Variants in CSMD1 observed in about 807,000 individuals in gnomAD.
CSMD1 encodes the protein CUB and Sushi multiple domains 1, also known as CUB and sushi domain-containing protein 1.
CSMD1 carries 213 observed loss-of-function variants against 417.5 expected under a neutral mutation model. The ratio of observed to expected loss-of-function variants is 0.51; its 90% CI spans 0.46 to 0.57. CSMD1 has a LOEUF of 0.57. CSMD1 is among the 20% of genes least tolerant of loss of function. The pLI, the probability that CSMD1 is intolerant of heterozygous loss-of-function variation, is 0.00. For missense variants in CSMD1, 6,923 were observed against 4,529.7 expected (o/e 1.53, Z -15.17); for synonymous variants, 2,862 against 1,736.8 (o/e 1.65, Z -16.11).
At chr8:4,132,856 G>T (rs541396805) in intron 3 of CSMD1, among the ~76,000 whole-genome samples, 2 of 152,048 alleles carry the variant, frequency 1.3e-5, no homozygotes, top group Non-Finnish European at 2.9e-5. Flanking sequence ...AAGACAACTA[G>T]GATATATGAA....
chr8:3,329,475 C>T (rs957968874), intron 23 of CSMD1, among the ~76,000 whole-genome samples: 2 of 152,122 alleles, frequency 1.3e-5, no homozygotes, highest in Non-Finnish European at 2.9e-5. Flanking sequence ...GGGGAAACTG[C>T]GGCAGCCACA....
chr8:4,369,592 CTA>C lies in CSMD1; in HGVS notation c.415+50359_415+50360del, dbSNP rs1802284908. Among the ~76,000 whole-genome samples, 6 of 152,172 alleles carry C rather than the reference CTA, an allele frequency of 3.9e-5. No homozygotes were observed. The South Asian group carries it at 8.3e-4, about 21-fold the overall frequency. ...GTTGTCTAAGTCTGTCTGTAGATCT[CTA>C]TGAACTTGTTTTATGACTATGAGTG... On this transcript the variant is annotated intron_variant, in intron 3 of 69. Transcript: ENST00000635120.
intron 26 of CSMD1, among the ~76,000 whole-genome samples, chr8:3,270,650 G>C (rs1413759822): frequency 6.6e-6 from 1 of 152,128 alleles, no homozygotes; most frequent in Non-Finnish European, 1.5e-5. Context: ...ATCAAAGCAA[G>C]TCTACAGTAT....
chr8:3,459,372 G>A (rs1455327188), intron 12 of CSMD1, among the ~76,000 whole-genome samples: 4 of 152,108 alleles, frequency 2.6e-5, no homozygotes, highest in Non-Finnish European at 4.4e-5. Context: ...GACGGGAATC[G>A]CACGGTGGAT....
At chr8:3,277,157 G>C (rs1355314825) in intron 26 of CSMD1, among the ~76,000 whole-genome samples, 1 of 152,122 alleles carries the variant, frequency 6.6e-6, no homozygotes, top group East Asian at 1.9e-4. Flanking sequence ...TGCCAGAGTG[G>C]AGGATGGTGA....
chr8:3,746,407 T>C (rs1165877210), intron 6 of CSMD1, among the ~76,000 whole-genome samples: 1 of 152,254 alleles, frequency 6.6e-6, no homozygotes, highest in Non-Finnish European at 1.5e-5. Context: ...TTATCCAATG[T>C]CAACCACATT....
At chr8:3,912,166 T>G (rs929450023) in intron 5 of CSMD1, among the ~76,000 whole-genome samples, 1 of 152,222 alleles carries the variant, frequency 6.6e-6, no homozygotes, top group Non-Finnish European at 1.5e-5. Context: ...AACTTCACAT[T>G]TCTCATGAAT....
rs562615678 is a variant in CSMD1, at chr8:3,126,485, C to A, written c.6242-7898G>T. ...AGGTGTACACTGAAGACTTTGAAGC[C>A]CCGCTTGAGTCCTCAGCTTCCCTAT... On this transcript the variant is annotated intron_variant, in intron 41 of 69. Coordinates refer to ENST00000635120, the MANE Select transcript of CSMD1 (RefSeq NM_033225.6). Among the ~76,000 whole-genome samples, 48 of 152,134 alleles carry A rather than the reference C, an allele frequency of 3.2e-4. No homozygotes were observed. In the East Asian group the frequency reaches 8.3e-3, roughly 26 times the overall value.
intron 5 of CSMD1, among the ~76,000 whole-genome samples, chr8:3,958,967 T>C (rs951280226): frequency 5.3e-5 from 8 of 152,220 alleles, no homozygotes; most frequent in African/African-American, 1.9e-4. Flanking sequence ...TTAGGATCTG[T>C]GAGCTCCCGG....
At chr8:4,646,762 A>G (rs1803542520) in intron 1 of CSMD1, among the ~76,000 whole-genome samples, 1 of 152,200 alleles carries the variant, frequency 6.6e-6, no homozygotes, top group African/African-American at 2.4e-5. Context: ...AAACCCCTAG[A>G]TCTATGATTA....
chr8:4,624,860 AT>A (rs1802005019), intron 2 of CSMD1, among the ~76,000 whole-genome samples: 1 of 152,072 alleles, frequency 6.6e-6, no homozygotes, highest in African/African-American at 2.4e-5. Context: ...TTCAAATTAC[AT>A]TCGTTTCCAT....
intron 23 of CSMD1, among the ~76,000 whole-genome samples, chr8:3,319,422 CAG>C (rs559758759): frequency 7.5e-4 from 114 of 152,150 alleles, no homozygotes; most frequent in African/African-American, 2.1e-3. Flanking sequence ...TAATTGAAAA[CAG>C]AGTTTGATAG....
chr8:3,883,668 T>C (rs1806362839), intron 5 of CSMD1, among the ~76,000 whole-genome samples: 1 of 152,180 alleles, frequency 6.6e-6, no homozygotes, highest in Non-Finnish European at 1.5e-5. Flanking sequence ...TAATTTACAC[T>C]AACTTCTATC....
At chr8:4,445,268 C>T (rs1285605752) in intron 2 of CSMD1, among the ~76,000 whole-genome samples, 1 of 152,140 alleles carries the variant, frequency 6.6e-6, no homozygotes, top group African/African-American at 2.4e-5. Context: ...CATATGTTCT[C>T]TGTCATTACC....
At chr8:3,411,376 C>G (rs1397402405) in intron 12 of CSMD1, among the ~76,000 whole-genome samples, 5 of 151,776 alleles carry the variant, frequency 3.3e-5, no homozygotes, top group Non-Finnish European at 7.4e-5. Context: ...TCTTTATTTC[C>G]ATAGGTTTTG....
At chr8:4,388,580 G>T (rs1167448047) in intron 3 of CSMD1, among the ~76,000 whole-genome samples, 2 of 151,960 alleles carry the variant, frequency 1.3e-5, no homozygotes, top group Admixed American at 1.3e-4. Context: ...ATGGATAAAA[G>T]ACTGCAAATA....
chr8:3,908,178 T>G (rs1368629374), intron 5 of CSMD1, among the ~76,000 whole-genome samples: 1 of 152,144 alleles, frequency 6.6e-6, no homozygotes, highest in Admixed American at 6.5e-5. Context: ...TCAATGACCA[T>G]GGGCCAGGCT....
intron 3 of CSMD1, among the ~76,000 whole-genome samples, chr8:4,280,683 C>A (rs918883700): frequency 6.6e-6 from 1 of 152,130 alleles, no homozygotes; most frequent in Admixed American, 6.5e-5. Flanking sequence ...CTAACCTTGT[C>A]TAGATGAGCA....
At chr8:4,791,922 T>A (rs1264258385) in intron 1 of CSMD1, among the ~76,000 whole-genome samples, 1 of 151,254 alleles carries the variant, frequency 6.6e-6, no homozygotes, top group African/African-American at 2.4e-5. Flanking sequence ...GTAGATTAAT[T>A]TAGTTTCTTT....
Sources: allele counts gnomAD v4.1 joint callset (sites outside exome capture counted in the v4.1 genomes callset), GRCh38; gene constraint gnomAD v4.1.1; transcripts MANE v1.5; gene names NCBI Gene and HGNC (gene_info 2026-07-23, HGNC 2026-07-21).